OSBPL10: variants seen among roughly 807,000 people sequenced by gnomAD.
OSBPL10 encodes the protein oxysterol binding protein like 10, also known as oxysterol-binding protein-related protein 10.
OSBPL10 carries 49 observed loss-of-function variants against 81.7 expected under a neutral mutation model. The observed-to-expected ratio is 0.60, with a 90% CI of 0.48 to 0.76. The LOEUF (loss-of-function observed/expected upper bound fraction) is 0.76. Ranked by LOEUF, OSBPL10 falls within the 30% of genes least tolerant of loss-of-function variation. The probability of loss-of-function intolerance (pLI) is 0.00; values close to 1 mark genes in which losing one functional copy is unlikely to be tolerated. For synonymous variants in OSBPL10, 419 were observed against 383.6 expected, an observed-to-expected ratio of 1.09 and a Z score of -1.08; for missense variants, 923 against 987.8, an observed-to-expected ratio of 0.93 and a Z score of 0.88.
chr3:31,857,892 GAGAA>G (rs1438866652), intron 3 of OSBPL10, among the ~76,000 whole-genome samples: 1 of 147,146 alleles, frequency 6.8e-6, no homozygotes, highest in Non-Finnish European at 1.5e-5. Flanking sequence ...GGGAGAGAGA[GAGAA>G]AGAGAGAGAG....
At chr3:31,693,432 C>T (rs1435400015) in intron 7 of OSBPL10, among the ~76,000 whole-genome samples, 2 of 152,226 alleles carry the variant, frequency 1.3e-5, no homozygotes, top group African/African-American at 4.8e-5. Context: ...TGGCCAACCA[C>T]AGACTATTTG....
At chr3:31,747,490 A>G (rs923438164) in intron 5 of OSBPL10, among the ~76,000 whole-genome samples, 2 of 141,346 alleles carry the variant, frequency 1.4e-5, no homozygotes, top group African/African-American at 5.9e-5. Flanking sequence ...CTTCAAATAA[A>G]AAAAAAAAAA....
At chr3:31,793,778 T>C (rs892641264) in intron 4 of OSBPL10, among the ~76,000 whole-genome samples, 2 of 152,228 alleles carry the variant, frequency 1.3e-5, no homozygotes, top group East Asian at 1.9e-4. Flanking sequence ...TTTTTGACTA[T>C]AGAGAGTTTA....
At chr3:31,693,214 A>T (rs764600645) in intron 7 of OSBPL10, among the ~76,000 whole-genome samples, 5 of 152,160 alleles carry the variant, frequency 3.3e-5, no homozygotes, top group Admixed American at 6.5e-5. Context: ...CATTTCCAGG[A>T]TAAACACTGG....
rs117689389 is a variant in OSBPL10 at position 31,962,256 on chromosome 3, C to T, written c.281+18643G>A. 9.2e-3 allele frequency among the ~76,000 whole-genome samples: 1,393 copies of T among 152,198 alleles called. 111 individuals carry two copies. The East Asian group carries it at 0.2, about 21-fold the overall frequency. On this transcript the variant is annotated intron_variant, in intron 1 of 11. Transcript: ENST00000396556. ...ACAGGTGGGAGCCACCGCGCCTGGC[C>T]GGCATCACCAATTTTGGATTCGAGG...
chr3:31,763,733 C>T (rs1316757509), intron 4 of OSBPL10, among the ~76,000 whole-genome samples: 1 of 152,054 alleles, frequency 6.6e-6, no homozygotes, highest in East Asian at 1.9e-4. Context: ...TTCACTAGTG[C>T]CAATTATTTT....
intron 3 of OSBPL10, among the ~76,000 whole-genome samples, chr3:31,843,545 C>T (rs1575578896): frequency 6.6e-6 from 1 of 152,312 alleles, no homozygotes; most frequent in East Asian, 1.9e-4. Context: ...CCATCTAAAA[C>T]AATAAATACC....
At chr3:32,054,990 A>C (rs781767252) in intron 1 of OSBPL10, among the ~76,000 whole-genome samples, 2 of 152,088 alleles carry the variant, frequency 1.3e-5, no homozygotes, top group Non-Finnish European at 2.9e-5. Flanking sequence ...AACTTTGGAG[A>C]CTGCAACATT....
At chr3:31,720,504 A>G (rs1263421600) in intron 6 of OSBPL10, among the ~76,000 whole-genome samples, 3 of 152,242 alleles carry the variant, frequency 2.0e-5, no homozygotes, top group Non-Finnish European at 4.4e-5. Context: ...CAACTTGCTT[A>G]ATTTCCACCA....
At chr3:31,856,768 G>A (rs1700921426) in intron 3 of OSBPL10, among the ~76,000 whole-genome samples, 1 of 152,130 alleles carries the variant, frequency 6.6e-6, no homozygotes, top group African/African-American at 2.4e-5. Context: ...GATACACCTA[G>A]GGCTTCTTGA....
intron 6 of OSBPL10, among the ~76,000 whole-genome samples, chr3:31,711,484 A>G (rs956874460): frequency 2.6e-5 from 4 of 152,342 alleles, no homozygotes; most frequent in East Asian, 1.9e-4. Context: ...TAGAATTCCA[A>G]CACAAAGGGT....
At chr3:31,824,018 C>CT (rs1700043527) in intron 4 of OSBPL10, among the ~76,000 whole-genome samples, 1 of 152,180 alleles carries the variant, frequency 6.6e-6, no homozygotes, top group African/African-American at 2.4e-5. Context: ...CACCCAGCTA[C>CT]TTTTTTGCAT....
At chr3:31,889,594 TAAAA>T (rs530216346) in intron 1 of OSBPL10, among the ~76,000 whole-genome samples, 7 of 144,480 alleles carry the variant, frequency 4.8e-5, no homozygotes, top group African/African-American at 1.0e-4. Flanking sequence ...TATGGAAACT[TAAAA>T]AAAAAAAATT....
At chr3:31,735,976 C>T (rs1031169784) in intron 5 of OSBPL10, among the ~76,000 whole-genome samples, 2 of 152,128 alleles carry the variant, frequency 1.3e-5, no homozygotes, top group Non-Finnish European at 2.9e-5. Context: ...AGAGTGTACG[C>T]TCAGTATGAA....
At chr3:32,015,177 A>G (rs1009584996) in intron 2 of OSBPL10, among the ~76,000 whole-genome samples, 5 of 152,124 alleles carry the variant, frequency 3.3e-5, no homozygotes, top group African/African-American at 9.7e-5. Context: ...GAGGCATCAC[A>G]CTACCTGACT....
chr3:31,724,647 G>C (rs934937301), intron 6 of OSBPL10, among the ~76,000 whole-genome samples: 1 of 152,026 alleles, frequency 6.6e-6, no homozygotes, highest in Non-Finnish European at 1.5e-5. Context: ...CTTGAAAAAC[G>C]AGCATAAGCT....
chr3:31,989,862 T>A, intron 2 of OSBPL10: 1 of 1,614,188 alleles, frequency 6.2e-7, no homozygotes. Flanking sequence ...ATAAATGTGA[T>A]GTATGTGGCA....
At chr3:32,030,746 C>T in intron 2 of OSBPL10, 1 of 656,956 alleles carries the variant, frequency 1.5e-6, no homozygotes, top group Non-Finnish European at 2.7e-6. Context: ...AATTACTAAG[C>T]AAAACCCTTA....
rs1439756721 is a variant in OSBPL10, at chr3:31,702,434, C to T, written c.1170G>A (p.Leu390=). Residue 390 remains leucine, a synonymous_variant, in exon 7 of 12, where the codon TTG becomes TTA. Coordinates refer to ENST00000396556, the MANE Select transcript of OSBPL10 (RefSeq NM_017784.5). ...SDNEDKEETE[L]GVMEDQRSII... ...TACTACGCTGATCCTCCATGACGCC[C>T]AATTCCGTCTCTTCCTTATCTTCAT... is the stretch of plus-strand genomic sequence containing the variant. 1 of 1,614,088 alleles carries T rather than the reference C, an allele frequency of 6.2e-7. No homozygotes were observed. The highest frequency in any genetic ancestry group is 8.5e-7 in the Non-Finnish European group (1 of 1,180,026).
Sources: gnomAD v4.1 joint callset for allele counts (sites outside exome capture counted in the v4.1 genomes callset) on GRCh38, gnomAD v4.1.1 for gene constraint, MANE v1.5 for transcripts, NCBI Gene and HGNC (gene_info 2026-07-23, HGNC 2026-07-21) for gene names.